The following KIAA1549L variants were observed in gnomAD, a reference collection of about 807,000 sequenced individuals.
The protein encoded by KIAA1549L is KIAA1549 like, also known as UPF0606 protein KIAA1549L.
A neutral mutation model predicts 160.7 loss-of-function variants in KIAA1549L; 88 were observed. The ratio of observed to expected loss-of-function variants is 0.55; its 90% CI spans 0.46 to 0.65. The LOEUF is 0.65. Ranked by LOEUF, KIAA1549L falls within the 30% of genes least tolerant of loss-of-function variation. The pLI, the probability that KIAA1549L is intolerant of heterozygous loss-of-function variation, is 0.00. For synonymous variants in KIAA1549L, 950 were observed against 976.7 expected (o/e 0.97, Z 0.51); for missense variants, 2,258 against 2,437.5 (o/e 0.93, Z 1.55).
At chr11:33,601,416 G>A (rs567529699) in intron 13 of KIAA1549L, among the ~76,000 whole-genome samples, 60 of 152,258 alleles carry the variant, frequency 3.9e-4, no homozygotes, top group African/African-American at 1.4e-3. Context: ...TCCTAGGTTA[G>A]AGTTTACCAA....
intron 16 of KIAA1549L, among the ~76,000 whole-genome samples, chr11:33,623,319 C>A (rs925675713): frequency 4.6e-5 from 7 of 152,090 alleles, no homozygotes; most frequent in African/African-American, 9.7e-5. Context: ...TGCTTGTTGC[C>A]CCCCTGACCT....
rs562710568 is a variant in KIAA1549L at position 33,504,431 on chromosome 11, T to TTTCCCTTCCC, written c.239-37348_239-37339dup. On this transcript the variant is annotated intron_variant, in intron 1 of 20. Coordinates refer to ENST00000658780, the MANE Select transcript of KIAA1549L (RefSeq NM_012194.3). ...CCAATCAAATAGGTATCATTGCAGA[T>TTTCCCTTCCC]TTCCCTTCCCTTCCCTTCCCTTCCC... Among the ~76,000 whole-genome samples the TTTCCCTTCCC allele has an allele frequency of 1.4e-3, 205 of 150,684 alleles. 1 individual carries two copies. The highest frequency in any genetic ancestry group is 4.9e-3 in the African/African-American group (200 of 40,826).
At chr11:33,633,570 G>A (rs925497168) in intron 16 of KIAA1549L, among the ~76,000 whole-genome samples, 6 of 152,068 alleles carry the variant, frequency 3.9e-5, no homozygotes, top group Admixed American at 2.0e-4. Context: ...CAGTGTCCTC[G>A]CTCCCTGCAG....
chr11:33,408,263 G>T (rs1436695305), intron 1 of KIAA1549L, among the ~76,000 whole-genome samples: 1 of 152,058 alleles, frequency 6.6e-6, no homozygotes, highest in Non-Finnish European at 1.5e-5. Context: ...GGTGCTCTGG[G>T]CATCAGTCGG....
At chr11:33,559,473 G>A (rs191623710) in intron 6 of KIAA1549L, among the ~76,000 whole-genome samples, 9 of 152,156 alleles carry the variant, frequency 5.9e-5, no homozygotes, top group East Asian at 1.9e-4. Flanking sequence ...TCTGGGCCTC[G>A]GTTTCCTCAT....
chr11:33,505,702 T>C (rs1034132275), intron 1 of KIAA1549L, among the ~76,000 whole-genome samples: 2 of 152,184 alleles, frequency 1.3e-5, no homozygotes, highest in Non-Finnish European at 1.5e-5. Context: ...TCTGGGAGGT[T>C]AATGTAGCAA....
chr11:33,577,543 T>A (rs974202034), intron 10 of KIAA1549L, among the ~76,000 whole-genome samples: 1 of 152,166 alleles, frequency 6.6e-6, no homozygotes, highest in Non-Finnish European at 1.5e-5. Flanking sequence ...TCCTTTCTAA[T>A]GAGGAGAAAG....
intron 1 of KIAA1549L, among the ~76,000 whole-genome samples, chr11:33,491,736 C>T (rs1346244995): frequency 1.3e-5 from 2 of 152,160 alleles, no homozygotes; most frequent in Non-Finnish European, 2.9e-5. Context: ...GGTGTCAGTC[C>T]ACTTTGTAAA....
chr11:33,435,818 G>GTGTGTGTGTATATATATATATATA (rs1554976830), intron 1 of KIAA1549L, among the ~76,000 whole-genome samples: 2 of 45,308 alleles, frequency 4.4e-5, no homozygotes, highest in African/African-American at 8.5e-5. Flanking sequence ...ATATGTGTGT[G>GTGTGTGTGTATATATATATATATA]TATATATATA....
intron 1 of KIAA1549L, among the ~76,000 whole-genome samples, chr11:33,462,975 C>T (rs759794100): frequency 8.6e-5 from 13 of 151,886 alleles, no homozygotes; most frequent in South Asian, 6.2e-4. Context: ...TCCAGGTGTG[C>T]GCCACCATGC....
intron 17 of KIAA1549L, among the ~76,000 whole-genome samples, chr11:33,648,212 T>G (rs954305182): frequency 2.0e-5 from 3 of 151,960 alleles, no homozygotes; most frequent in African/African-American, 7.3e-5. Context: ...GCCAGGCTGG[T>G]CTCAAACTCC....
chr11:33,656,619 TG>T (rs2133434998), intron 18 of KIAA1549L, among the ~76,000 whole-genome samples: 1 of 152,328 alleles, frequency 6.6e-6, no homozygotes, highest in East Asian at 1.9e-4. Flanking sequence ...AACGAGGGCA[TG>T]TTTTTAATAA....
intron 16 of KIAA1549L, among the ~76,000 whole-genome samples, chr11:33,644,918 C>G (rs945473432): frequency 6.6e-6 from 1 of 152,250 alleles, no homozygotes; most frequent in Non-Finnish European, 1.5e-5. Context: ...CAGACACTTA[C>G]GAAGCAAGCA....
intron 8 of KIAA1549L, among the ~76,000 whole-genome samples, chr11:33,563,088 T>A (rs1275252227): frequency 6.6e-6 from 1 of 151,946 alleles, no homozygotes; most frequent in Non-Finnish European, 1.5e-5. Flanking sequence ...CCGGGTGTGA[T>A]GGCTCACCCC....
At chr11:33,637,250 C>A (rs1449973831) in intron 16 of KIAA1549L, among the ~76,000 whole-genome samples, 1 of 152,220 alleles carries the variant, frequency 6.6e-6, no homozygotes, top group African/African-American at 2.4e-5. Context: ...ATCTTGAACT[C>A]ACCTACCCCT....
chr11:33,480,674 C>T (rs1007995015), intron 1 of KIAA1549L, among the ~76,000 whole-genome samples: 1 of 152,166 alleles, frequency 6.6e-6, no homozygotes, highest in Non-Finnish European at 1.5e-5. Context: ...ATAGACACTG[C>T]AAGAAGCTCA....
In KIAA1549L at chr11:33,547,880, G is replaced by A; in HGVS notation, c.3501+1G>A. 3.1e-6 allele frequency: 5 copies of A among 1,599,812 alleles called. No individual in the cohort carries two copies. The highest frequency in any genetic ancestry group is 4.3e-6 in the Non-Finnish European group (5 of 1,167,888). ...CCACCAGAACGATGTCTCAGCTCAC[G>A]TAAGTGCTTTGCTTTGTAACCAAGC... On this transcript the variant is annotated splice_donor_variant, in intron 4 of 20. Coordinates refer to ENST00000658780, the MANE Select transcript of KIAA1549L (RefSeq NM_012194.3). LOFTEE classifies it high-confidence loss of function.
chr11:33,458,050 G>T (rs11032279), intron 1 of KIAA1549L, among the ~76,000 whole-genome samples: 4,699 of 152,280 alleles, frequency 0.031, 245 homozygotes, highest in African/African-American at 0.11. Context: ...CAGTGTGCAC[G>T]CTCTGAGGCC....
chr11:33,407,923 C>T (rs1758608007), intron 1 of KIAA1549L, among the ~76,000 whole-genome samples: 1 of 152,182 alleles, frequency 6.6e-6, no homozygotes, highest in South Asian at 2.1e-4. Flanking sequence ...AGTTCTTGAG[C>T]TTTCTTTAGT....
Sources: allele counts gnomAD v4.1 joint callset (sites outside exome capture counted in the v4.1 genomes callset), GRCh38; gene constraint gnomAD v4.1.1; transcripts MANE v1.5; gene names NCBI Gene and HGNC (gene_info 2026-07-23, HGNC 2026-07-21).